The following DEFB126 variants were observed in gnomAD, a reference collection of about 807,000 sequenced individuals.
DEFB126 encodes beta-defensin 126.
Under a neutral mutation model 2.5 loss-of-function variants are expected in DEFB126, and 2 were observed. The observed-to-expected ratio is 0.79, with a 90% CI of 0.32 to 2.49. DEFB126 has a LOEUF of 2.49. Ranked by LOEUF, DEFB126 falls within the 30% of genes most tolerant of loss-of-function variation. The probability of loss-of-function intolerance (pLI) is 0.11; values close to 1 mark genes in which losing one functional copy is unlikely to be tolerated. For missense variants in DEFB126, 136 were observed against 135.4 expected, an observed-to-expected ratio of 1.00 and a Z score of -0.02; for synonymous variants, 51 against 45.4, an observed-to-expected ratio of 1.12 and a Z score of -0.50.
intron 1 of DEFB126, 126 bp downstream of exon 1, chr20:142,812 T>TC: frequency 5.1e-6 from 5 of 974,084 alleles, no homozygotes; most frequent in Non-Finnish European, 8.1e-6. Context: ...CTGAGATTTG[T>TC]CCTACTTCTT....
At position 142,665 on chromosome 20, in the gene DEFB126, C is replaced by T. The variant is rs1453620911; in HGVS notation, c.37C>T (p.Leu13Phe). Reference sequence around the variant, plus strand: ...ACTGTTCACCCTTGCAGTTTTTATGCTCCTGGCCCAATTGGTCTCAGGTAA... The same window carrying T: ...ACTGTTCACCCTTGCAGTTTTTATGTTCCTGGCCCAATTGGTCTCAGGTAA... Reference protein sequence around the residue: ...SLLFTLAVFMLLAQLVSGNWY... With the variant: ...SLLFTLAVFMFLAQLVSGNWY... The change falls in exon 1 of 2, where the codon CTC becomes TTC. Residue 13 changes from leucine (L) to phenylalanine (F), a missense_variant. By Grantham distance (22) the Leu-to-Phe change is conservative. Transcript: ENST00000382398. 6.2e-7 allele frequency: 1 copy of T among 1,613,828 alleles called. No homozygotes were observed. Among genetic ancestry groups the T allele is most frequent in the Non-Finnish European group, 8.5e-7 (1 of 1,179,738 alleles).
At chr20:144,902 A>AGGAT in intron 1 of DEFB126, among the ~76,000 whole-genome samples, 1 of 152,260 alleles carries the variant, frequency 6.6e-6, no homozygotes, top group South Asian at 2.1e-4. Context: ...GCCTAGAGTT[A>AGGAT]TCTTCTAAAT....
chr20:145,047 A>G (rs1036867833), intron 1 of DEFB126, among the ~76,000 whole-genome samples: 1 of 152,158 alleles, frequency 6.6e-6, no homozygotes, highest in Non-Finnish European at 1.5e-5. Context: ...TTTTGAAATG[A>G]TAGTTTTTAC....
chr20:143,353 C>G (rs965675696), intron 1 of DEFB126, among the ~76,000 whole-genome samples: 9 of 152,164 alleles, frequency 5.9e-5, no homozygotes, highest in Non-Finnish European at 7.4e-5. Context: ...TTCATCACTG[C>G]TTGCATTTTT....
chr20:145,617 A>G lies in DEFB126; in HGVS notation c.261A>G (p.Thr87=), dbSNP rs1354333010. 3.7e-6 allele frequency: 6 copies of G among 1,613,952 alleles called. No individual in the cohort carries two copies. Among genetic ancestry groups the G allele is most frequent in the South Asian group, 3.3e-5 (3 of 91,082 alleles). ...TTRISTVTAT[T]ATTTLMMTTA... ...GAATTTCAACAGTAACAGCAACAAC[A>G]GCAACAACAACTTTGATGATGACTA... Residue 87 remains threonine (T), a synonymous_variant, in exon 2 of 2, where the codon ACA becomes ACG. Transcript: ENST00000382398.
intron 1 of DEFB126, among the ~76,000 whole-genome samples, chr20:144,807 T>TA (rs760939686): frequency 7.9e-5 from 12 of 152,140 alleles, no homozygotes; most frequent in Non-Finnish European, 1.5e-4. Context: ...CAATATCATA[T>TA]AGGTATATAG....
Position 145,529 on chromosome 20 carries a change from G to A in DEFB126, c.173G>A (p.Cys58Tyr), listed in dbSNP as rs2054663857. ...GCAATGTGCGGCAAACAAAGGGACT[G>A]CTGTGTTCCAGCTGACAGACGTGCT... ...GWAMCGKQRD[C>Y]CVPADRRANY... Residue 58 changes from cysteine (C) to tyrosine (Y), a missense_variant, in exon 2 of 2, where the codon TGC becomes TAC. Cys to Tyr is a radical substitution (Grantham distance 194). Coordinates refer to ENST00000382398, the MANE Select transcript of DEFB126 (RefSeq NM_030931.4). 8.1e-6 allele frequency: 13 copies of A among 1,613,944 alleles called. No individual in the cohort carries two copies. The highest frequency in any genetic ancestry group is 1.1e-5 in the Non-Finnish European group (13 of 1,179,972).
intron 1 of DEFB126, among the ~76,000 whole-genome samples, chr20:143,149 G>A (rs1449762151): frequency 6.6e-6 from 1 of 151,898 alleles, no homozygotes; most frequent in African/African-American, 2.4e-5. Context: ...AACAGGAAAG[G>A]CTGTTTCTAT....
At chr20:142,758 A>G (rs1158185780) in intron 1 of DEFB126, 72 bp downstream of exon 1, 15 of 1,530,734 alleles carry the variant, frequency 9.8e-6, no homozygotes, top group Non-Finnish European at 1.4e-5. Flanking sequence ...CCTGTTTCTA[A>G]GTGGTCTGTG....
Position 142,649 on chromosome 20 carries a change from C to A in DEFB126, c.21C>A (p.Thr7=), listed in dbSNP as rs759386382. 22 of 1,613,808 alleles carry A rather than the reference C, an allele frequency of 1.4e-5. No individual in the cohort carries two copies. Among genetic ancestry groups the A allele is most frequent in the Non-Finnish European group, 1.8e-5 (21 of 1,179,756 alleles). MKSLLF[T]LAVFMLLAQL... ...TCCTGATGAAGTCCCTACTGTTCAC[C>A]CTTGCAGTTTTTATGCTCCTGGCCC... Residue 7 remains threonine (T), a synonymous_variant, in exon 1 of 2, where the codon ACC becomes ACA. Coordinates refer to ENST00000382398, the MANE Select transcript of DEFB126 (RefSeq NM_030931.4).
chr20:144,000 G>A (rs2054657970), intron 1 of DEFB126, among the ~76,000 whole-genome samples: 1 of 151,908 alleles, frequency 6.6e-6, no homozygotes, highest in Non-Finnish European at 1.5e-5. Flanking sequence ...TTTCCTAATG[G>A]GTTATATAAT....
intron 1 of DEFB126, among the ~76,000 whole-genome samples, chr20:143,035 C>G (rs1403804733): frequency 2.0e-5 from 3 of 151,956 alleles, no homozygotes; most frequent in African/African-American, 7.2e-5. Context: ...GATATTCCCT[C>G]CTGAGGTAAC....
intron 1 of DEFB126, 39 bp from the exon 2 acceptor site, chr20:145,376 A>C: frequency 6.3e-7 from 1 of 1,582,784 alleles, no homozygotes; most frequent in Non-Finnish European, 8.6e-7. Context: ...CCTGTGATAA[A>C]TACTTAGGCT....
Position 145,687 on chromosome 20 carries a change from G to C in DEFB126, c.331G>C (p.Gly111Arg). The C allele has an allele frequency of 6.2e-7, 1 of 1,610,250 alleles. No homozygotes were observed. The highest frequency in any genetic ancestry group is 8.5e-7 in the Non-Finnish European group (1 of 1,179,102). The change falls in exon 2 of 2, where the codon GGT (glycine) becomes CGT (arginine). Residue 111 changes from glycine to arginine, a missense_variant. Transcript: ENST00000382398. ...SMAPTPVSPT[G>R] is the part of the protein sequence containing the mutation. ...GGCTCCTACCCCCGTTTCTCCCACT[G>C]GTTGAACATTCCAGCCTCTGTCTCC...
rs760862231 is a variant in DEFB126, at chr20:145,665, T to TC, written c.311dup (p.Thr105TyrfsTer?). 78 of 1,564,482 alleles carry TC rather than the reference T, an allele frequency of 5.0e-5. No homozygotes were observed. In the African/African-American group the frequency reaches 1.1e-3, roughly 21 times the overall value. ...CTACTGCTTCGATGTCTTCGATGGC[T>TC]CCTACCCCCGTTTCTCCCACTGGTT... is the stretch of plus-strand genomic sequence containing the variant. On this transcript the variant is annotated frameshift_variant, in exon 2 of 2. Coordinates refer to ENST00000382398, the MANE Select transcript of DEFB126 (RefSeq NM_030931.4). LOFTEE classifies it high-confidence loss of function.
intron 1 of DEFB126, among the ~76,000 whole-genome samples, chr20:144,568 C>T (rs1338767551): frequency 6.6e-6 from 1 of 152,062 alleles, no homozygotes; most frequent in Admixed American, 6.6e-5. Context: ...ATGGTAGGCA[C>T]TCATCATATA....
chr20:145,731 T>C lies in DEFB126; in HGVS notation c.*39T>C. On this transcript the variant is annotated 3_prime_UTR_variant, in exon 2 of 2. Transcript: ENST00000382398. ...TGTCTCCTGCTCTAGGATCCCCGAC[T>C]CATTAAAGCAAAGAGGCTTATTCTG... 1 of 1,584,946 alleles carries C rather than the reference T, an allele frequency of 6.3e-7. No homozygotes were observed. Among genetic ancestry groups the C allele is most frequent in the Non-Finnish European group, 8.6e-7 (1 of 1,169,340 alleles).
chr20:143,769 A>G (rs575628441), intron 1 of DEFB126, among the ~76,000 whole-genome samples: 2 of 152,174 alleles, frequency 1.3e-5, no homozygotes, highest in Non-Finnish European at 2.9e-5. Flanking sequence ...AATATTTTCA[A>G]ACATATTGGT....
chr20:142,769 G>T, intron 1 of DEFB126, 83 bp downstream of exon 1: 1 of 1,445,694 alleles, frequency 6.9e-7, no homozygotes, highest in Non-Finnish European at 9.7e-7. Context: ...GTGGTCTGTG[G>T]AAATGGGGTC....
Sources: gnomAD v4.1 joint callset for allele counts (sites outside exome capture counted in the v4.1 genomes callset) on GRCh38, gnomAD v4.1.1 for gene constraint, MANE v1.5 for transcripts, NCBI Gene and HGNC (gene_info 2026-07-23, HGNC 2026-07-21) for gene names.